The following MTERF4 variants were observed in gnomAD, a reference collection of about 807,000 sequenced individuals.
The protein encoded by MTERF4 is transcription termination factor 4, mitochondrial.
A neutral mutation model predicts 22.5 loss-of-function variants in MTERF4; 17 were observed. The observed-to-expected ratio is 0.75, with a 90% CI of 0.52 to 1.13. MTERF4 has a LOEUF of 1.13. Among genes scored for constraint, MTERF4 ranks in the 50% most tolerant of loss-of-function variants. MTERF4 has a pLI of 0.00. For synonymous variants in MTERF4, 165 were observed against 175.3 expected (o/e 0.94, Z 0.47); for missense variants, 420 against 466.8 (o/e 0.90, Z 0.92).
downstream of MTERF4, among the ~76,000 whole-genome samples, chr2:241,083,130 T>C (rs914226692): frequency 6.6e-6 from 1 of 152,082 alleles, no homozygotes; most frequent in Admixed American, 6.5e-5. Context: ...AAGGACGAGA[T>C]GACAGGACGA....
At position 241,096,046 on chromosome 2, in the gene MTERF4, G is replaced by A. The variant is rs548736677; in HGVS notation, c.1098C>T (p.Asp366=). ...CATCCTCATCATTGTCCTCCGCCTCGTCGTCGTCCTCATCATCGTCATCCT... is the reference window on the plus strand; with the variant it reads ...CATCCTCATCATTGTCCTCCGCCTCATCGTCGTCCTCATCATCGTCATCCT... ...NDEDDDDEDD[D]EAEDNDEDED... is the part of the protein sequence containing the mutation. The change falls in exon 4 of 4, where the codon GAC becomes GAT. Residue 366 remains aspartate (D), a synonymous_variant. Coordinates refer to ENST00000391980, the MANE Select transcript of MTERF4 (RefSeq NM_182501.4). This position sits in a 1 kb window ranked among gnomAD's most constrained non-coding sequence, Gnocchi z 5.1. 5.0e-6 allele frequency: 8 copies of A among 1,597,072 alleles called. No individual in the cohort carries two copies. In the Admixed American group the frequency reaches 5.1e-5, roughly 10 times the overall value.
downstream of MTERF4, among the ~76,000 whole-genome samples, chr2:241,070,968 C>A (rs1440714534): frequency 6.6e-6 from 1 of 152,200 alleles, no homozygotes; most frequent in Non-Finnish European, 1.5e-5. Context: ...CATAAGCTTG[C>A]CGAGTTCTCA....
In MTERF4 at chr2:241,073,699, G is replaced by T; in HGVS notation, n.2463C>A. The T allele has an allele frequency of 2.2e-6, 1 of 460,904 alleles. No individual in the cohort carries two copies. 28.6% of individuals were successfully genotyped at this position (460,904 alleles called of 1,614,324 possible). ...GAGCCCACCCCAGCCCCTGCCTCTGGGCCCCTCACCCCTCACTTCTCCAAA... is the reference window on the plus strand; with the variant it reads ...GAGCCCACCCCAGCCCCTGCCTCTGTGCCCCTCACCCCTCACTTCTCCAAA... On this transcript the variant is annotated non_coding_transcript_exon_variant, in exon 5 of 5. Coordinates refer to the MTERF4 transcript ENST00000464344. This position sits in a 1 kb window ranked among gnomAD's most constrained non-coding sequence, Gnocchi z 6.6.
chr2:241,099,814 C>A lies in MTERF4; in HGVS notation c.102G>T (p.Arg34Ser). 1 of 1,614,140 alleles carries A rather than the reference C, an allele frequency of 6.2e-7. No homozygotes were observed. The highest frequency in any genetic ancestry group is 1.1e-5 in the South Asian group (1 of 91,084). ...GTTTGCGCAACAAAGAAGCTGTCGTCCTTCTCTGTTCTCCAAGATGAGGAG... is the reference window on the plus strand; with the variant it reads ...GTTTGCGCAACAAAGAAGCTGTCGTACTTCTCTGTTCTCCAAGATGAGGAG... Reference protein sequence around the residue: ...RQTPHLGEQRRTTASLLRKLT... With the variant: ...RQTPHLGEQRSTTASLLRKLT... The change falls in exon 2 of 4, where the codon AGG (arginine) becomes AGT (serine). Residue 34 changes from arginine (R) to serine (S), a missense_variant. By Grantham distance (110) the Arg-to-Ser change is moderately radical. Transcript: ENST00000391980.
At chr2:241,090,665 G>A (rs754358254), downstream of MTERF4, among the ~76,000 whole-genome samples, 2 of 152,072 alleles carry the variant, frequency 1.3e-5, no homozygotes, top group Non-Finnish European at 2.9e-5. Flanking sequence ...CCAGGAGTTC[G>A]AGACCAGCCT....
At chr2:241,099,357 G>T in intron 2 of MTERF4, 39 bp downstream of exon 2, 2 of 1,583,470 alleles carry the variant, frequency 1.3e-6, no homozygotes, top group Non-Finnish European at 1.7e-6. Context: ...TTACAGGCAT[G>T]AGCCACCGCA....
At chr2:241,045,548 TGATA>T in the MTERF4 span, among the ~76,000 whole-genome samples, 96 of 151,960 alleles carry the variant, frequency 6.3e-4, no homozygotes, top group Non-Finnish European at 1.1e-3. Context: ...AATGGAGAAA[TGATA>T]ATCTTTTCAA....
downstream of MTERF4, chr2:241,082,159 G>A (rs1447971892): frequency 5.4e-5 from 41 of 758,002 alleles, no homozygotes; most frequent in East Asian, 3.8e-4. Flanking sequence ...CCACCATCCC[G>A]CCTTGGAGGA....
chr2:241,068,422 A>C (rs1167986231), downstream of MTERF4, among the ~76,000 whole-genome samples: 1 of 152,008 alleles, frequency 6.6e-6, no homozygotes, highest in African/African-American at 2.4e-5. The surrounding 1 kb of genome is among the most constrained non-coding windows in gnomAD (Gnocchi z 5.3). Context: ...TCGCCAACCA[A>C]AGAGAAAGCT....
In MTERF4 at chr2:241,099,503, G is replaced by A; in HGVS notation, c.413C>T (p.Pro138Leu). 6.2e-7 allele frequency: 1 copy of A among 1,614,180 alleles called. No individual in the cohort carries two copies. The highest frequency in any genetic ancestry group is 1.1e-5 in the South Asian group (1 of 91,082). ...CTTCAAGACCACACACACAGGCTCTGGATTCAGACCCAAGAGAATAAATTC... is the reference window on the plus strand; with the variant it reads ...CTTCAAGACCACACACACAGGCTCTAGATTCAGACCCAAGAGAATAAATTC... ...ISEFILLGLN[P>L]EPVCVVLKKS... is the part of the protein sequence containing the mutation. Residue 138 changes from proline to leucine, a missense_variant, in exon 2 of 4, where the codon CCA (proline) becomes CTA (leucine). Pro to Leu is a moderately conservative substitution (Grantham distance 98). Transcript: ENST00000391980.
intron 2 of MTERF4, 23 bp downstream of exon 2, chr2:241,099,373 C>T: frequency 1.2e-6 from 2 of 1,600,472 alleles, no homozygotes; most frequent in Non-Finnish European, 1.7e-6. Flanking sequence ...CCGCACCCAG[C>T]CAAAATCTGC....
At chr2:241,066,562 G>T in the MTERF4 span, among the ~76,000 whole-genome samples, 10 of 152,134 alleles carry the variant, frequency 6.6e-5, no homozygotes, top group African/African-American at 2.4e-4. Flanking sequence ...ATGGGGAAGG[G>T]GTGCTAGAGG....
chr2:241,065,522 C>T, the MTERF4 span: 40 of 1,612,874 alleles, frequency 2.5e-5, no homozygotes, highest in East Asian at 4.5e-5. Context: ...ACAACATCTC[C>T]GTCTTCTCAG....
chr2:241,067,697 T>G (rs2062519018), downstream of MTERF4: 1 of 1,405,930 alleles, frequency 7.1e-7, no homozygotes, highest in Non-Finnish European at 9.8e-7. Context: ...TGGTTTCATC[T>G]TGAGCCCCTG....
chr2:241,061,488 C>A, the MTERF4 span, among the ~76,000 whole-genome samples: 4 of 152,178 alleles, frequency 2.6e-5, no homozygotes, highest in African/African-American at 9.7e-5. Context: ...TGCTCATTTA[C>A]GTCAACTGTG....
downstream of MTERF4, chr2:241,071,349 TGG>T: frequency 1.7e-6 from 1 of 597,608 alleles, no homozygotes; most frequent in Admixed American, 2.9e-5. Context: ...GCCTGTGTCA[TGG>T]CTGCGCATGG....
downstream of MTERF4, chr2:241,087,543 G>A (rs1029987340): frequency 1.3e-5 from 19 of 1,473,192 alleles, no homozygotes; most frequent in African/African-American, 3.4e-4. Context: ...GCAAGGGCGG[G>A]GTGCTATGGG....
chr2:241,052,927 C>T, the MTERF4 span, among the ~76,000 whole-genome samples: 2 of 151,860 alleles, frequency 1.3e-5, no homozygotes, highest in East Asian at 1.9e-4. Flanking sequence ...AAGTGGGGAG[C>T]GTGGGATTTC....
At chr2:241,087,838 G>C (rs1337190565), downstream of MTERF4, 3 of 557,530 alleles carry the variant, frequency 5.4e-6, no homozygotes, top group Admixed American at 1.2e-4. Context: ...TCACACCCAG[G>C]TTCTTTCCAC....
Sources: gnomAD v4.1 joint callset for allele counts (sites outside exome capture counted in the v4.1 genomes callset) on GRCh38, gnomAD v4.1.1 for gene constraint, Gnocchi (gnomAD v3.1) non-coding constraint, MANE v1.5 for transcripts, NCBI Gene and HGNC (gene_info 2026-07-23, HGNC 2026-07-21) for gene names.